EXOC1L: variants seen among roughly 807,000 people sequenced by gnomAD.
The protein encoded by EXOC1L is exocyst complex component 1 like.
Under a neutral mutation model 4.9 loss-of-function variants are expected in EXOC1L, and 10 were observed. The ratio of observed to expected loss-of-function variants is 2.02; its 90% CI spans 1.25 to 3.43. The LOEUF (loss-of-function observed/expected upper bound fraction) is 3.43. Ranked by LOEUF, EXOC1L falls within the 30% of genes most tolerant of loss-of-function variation. The pLI, the probability that EXOC1L is intolerant of heterozygous loss-of-function variation, is 0.00. For missense variants in EXOC1L, 114 were observed against 59.4 expected, an observed-to-expected ratio of 1.92 and a Z score of -3.02; for synonymous variants, 41 against 20.8, an observed-to-expected ratio of 1.97 and a Z score of -2.63.
intron 1 of EXOC1L, among the ~76,000 whole-genome samples, chr4:55,828,123 T>A (rs541563064): frequency 6.6e-6 from 1 of 152,228 alleles, no homozygotes; most frequent in Admixed American, 6.5e-5. Context: ...TCCCTCCTCT[T>A]CCAAACTCCT....
At position 55,820,558 on chromosome 4, in the gene EXOC1L, G is replaced by A. The variant is rs563787007; in HGVS notation, c.121+411G>A. Among the ~76,000 whole-genome samples the A allele has an allele frequency of 5.3e-5, 8 of 152,262 alleles. No individual in the cohort carries two copies. In the East Asian group the frequency reaches 1.2e-3, roughly 22 times the overall value. ...AGTTATACAGCACCATTTGCAACTC[G>A]TCTGGAACACTGGCATTCTCCCTTT... On this transcript the variant is annotated intron_variant, in intron 1 of 2. Transcript: ENST00000636125.
chr4:55,828,649 C>A (rs766872329), intron 1 of EXOC1L, among the ~76,000 whole-genome samples: 1 of 151,992 alleles, frequency 6.6e-6, no homozygotes, highest in Non-Finnish European at 1.5e-5. Flanking sequence ...ATCACTATCA[C>A]TGGGTAATAC....
chr4:55,824,312 G>A (rs1417644483), intron 1 of EXOC1L, among the ~76,000 whole-genome samples: 1 of 146,346 alleles, frequency 6.8e-6, no homozygotes, highest in Non-Finnish European at 1.5e-5. Flanking sequence ...AACACAAAAT[G>A]CATTTGTGGA....
At chr4:55,826,259 G>A (rs1179601743) in intron 1 of EXOC1L, among the ~76,000 whole-genome samples, 6 of 152,020 alleles carry the variant, frequency 3.9e-5, no homozygotes, top group Admixed American at 1.3e-4. Context: ...CTTAAATGAT[G>A]AAAACAATTG....
Position 55,837,248 on chromosome 4 carries a change from A to T in EXOC1L, c.416A>T (p.Asp139Val), listed in dbSNP as rs1577669810. Reference sequence around the variant, plus strand: ...TTTGATTCTACATACATTAACGATGATTCCATTTGGTCCTCCAACAATAAG... The same window carrying T: ...TTTGATTCTACATACATTAACGATGTTTCCATTTGGTCCTCCAACAATAAG... ...VNFDSTYIND[D>V]SIWSSNNKDC... Residue 139 changes from aspartate to valine, a missense_variant, in exon 3 of 3, where the codon GAT (aspartate) becomes GTT (valine). Coordinates refer to ENST00000636125, the MANE Select transcript of EXOC1L (RefSeq NM_001351574.3). 1.4e-6 allele frequency: 1 copy of T among 701,394 alleles called. No individual in the cohort carries two copies. Among genetic ancestry groups the T allele is most frequent in the Non-Finnish European group, 2.6e-6 (1 of 384,060 alleles). 43.4% of individuals were successfully genotyped at this position (701,394 alleles called of 1,614,324 possible).
intron 1 of EXOC1L, among the ~76,000 whole-genome samples, chr4:55,830,470 A>C (rs1379063874): frequency 6.6e-6 from 1 of 152,180 alleles, no homozygotes; most frequent in Non-Finnish European, 1.5e-5. Flanking sequence ...CCCCTGCGGC[A>C]TCTATTACAG....
chr4:55,825,474 G>A (rs1719855476), intron 1 of EXOC1L, among the ~76,000 whole-genome samples: 1 of 152,110 alleles, frequency 6.6e-6, no homozygotes, highest in East Asian at 1.9e-4. Context: ...AGTGACTAAT[G>A]GAGGCTTTAA....
chr4:55,826,086 A>AT (rs1719875518), intron 1 of EXOC1L, among the ~76,000 whole-genome samples: 1 of 81,338 alleles, frequency 1.2e-5, no homozygotes, highest in Non-Finnish European at 2.7e-5. Flanking sequence ...ACTCCATCTC[A>AT]AAAAAAAAAA....
intron 2 of EXOC1L, among the ~76,000 whole-genome samples, chr4:55,832,408 T>G (rs1212620110): frequency 6.6e-6 from 1 of 152,020 alleles, no homozygotes; most frequent in African/African-American, 2.4e-5. Context: ...ATATCGTTAT[T>G]TTTTAATATC....
At chr4:55,831,722 A>C (rs1720037790) in intron 2 of EXOC1L, among the ~76,000 whole-genome samples, 1 of 152,086 alleles carries the variant, frequency 6.6e-6, no homozygotes, top group Admixed American at 6.6e-5. Context: ...ACAATCTACC[A>C]GTCAATCCTG....
intron 1 of EXOC1L, among the ~76,000 whole-genome samples, chr4:55,828,866 C>A (rs1719955609): frequency 6.6e-6 from 1 of 151,974 alleles, no homozygotes; most frequent in African/African-American, 2.4e-5. Flanking sequence ...AACAAACAAA[C>A]AAACAAACAA....
intron 1 of EXOC1L, among the ~76,000 whole-genome samples, chr4:55,828,814 G>C (rs1008996122): frequency 2.0e-5 from 3 of 152,148 alleles, no homozygotes; most frequent in African/African-American, 7.2e-5. Flanking sequence ...CTGTACTCCA[G>C]CTTGGGTAAC....
At chr4:55,826,373 A>G (rs977433797) in intron 1 of EXOC1L, among the ~76,000 whole-genome samples, 3 of 152,210 alleles carry the variant, frequency 2.0e-5, no homozygotes, top group Admixed American at 6.5e-5. Flanking sequence ...TATTGGATCA[A>G]TCGGGCAATG....
chr4:55,835,661 A>G (rs1157976896), intron 2 of EXOC1L, among the ~76,000 whole-genome samples: 1 of 151,954 alleles, frequency 6.6e-6, no homozygotes, highest in Non-Finnish European at 1.5e-5. Context: ...TTCTTTTAAG[A>G]ATTGCCTATT....
At chr4:55,826,199 T>C (rs1719880717) in intron 1 of EXOC1L, among the ~76,000 whole-genome samples, 1 of 152,188 alleles carries the variant, frequency 6.6e-6, no homozygotes, top group Admixed American at 6.5e-5. Context: ...AACATTTCAC[T>C]GATGCTGCTT....
intron 1 of EXOC1L, 36 bp from the exon 2 acceptor site, chr4:55,831,298 G>A (rs901688140): frequency 3.8e-6 from 2 of 530,882 alleles, no homozygotes; most frequent in South Asian, 5.5e-5. Context: ...TAGCTTCTAA[G>A]AATTTATGTA....
At chr4:55,822,929 A>G (rs367962514) in intron 1 of EXOC1L, among the ~76,000 whole-genome samples, 11 of 151,390 alleles carry the variant, frequency 7.3e-5, no homozygotes, top group African/African-American at 2.7e-4. Context: ...ATATATGTGT[A>G]TATATGTATA....
At chr4:55,833,155 T>C (rs979827833) in intron 2 of EXOC1L, among the ~76,000 whole-genome samples, 2 of 151,940 alleles carry the variant, frequency 1.3e-5, no homozygotes, top group African/African-American at 2.4e-5. Context: ...GCTTAGGAAA[T>C]GGTTAAATAT....
At position 55,823,026 on chromosome 4, in the gene EXOC1L, TTA is replaced by T. The variant is rs151123153; in HGVS notation, c.121+2881_121+2882del. On this transcript the variant is annotated intron_variant, in intron 1 of 2. Transcript: ENST00000636125. ...AAATTAAAAATTGATATATTGTATA[TTA>T]TGTTAATTTAAAATTATATGTATAT... 7.0e-3 allele frequency among the ~76,000 whole-genome samples: 1,055 copies of T among 151,300 alleles called. 11 individuals carry two copies. The highest frequency in any genetic ancestry group is 0.02 in the African/African-American group (811 of 41,404).
Sources: gnomAD v4.1 joint callset for allele counts (sites outside exome capture counted in the v4.1 genomes callset) on GRCh38, gnomAD v4.1.1 for gene constraint, MANE v1.5 for transcripts, NCBI Gene and HGNC (gene_info 2026-07-23, HGNC 2026-07-21) for gene names.